OPRD1: variants seen among roughly 807,000 people sequenced by gnomAD.
OPRD1 encodes the protein opioid receptor delta 1, also known as delta-type opioid receptor.
Under a neutral mutation model 17.5 loss-of-function variants are expected in OPRD1, and 19 were observed. The ratio of observed to expected loss-of-function variants is 1.09; its 90% CI spans 0.76 to 1.60. OPRD1 has a LOEUF of 1.60. Ranked by LOEUF, OPRD1 falls within the 40% of genes most tolerant of loss-of-function variation. The pLI, the probability that OPRD1 is intolerant of heterozygous loss-of-function variation, is 0.00. For missense variants in OPRD1, 483 were observed against 547.2 expected (o/e 0.88, Z 1.17); for synonymous variants, 256 against 240.9 (o/e 1.06, Z -0.58).
chr1:28,836,417 G>A (rs557731222), intron 1 of OPRD1, among the ~76,000 whole-genome samples: 31 of 151,970 alleles, frequency 2.0e-4, no homozygotes, highest in Non-Finnish European at 3.2e-4. Flanking sequence ...AGGAGGCTGA[G>A]GCAGAAGAGT....
chr1:28,812,485 G>C lies in OPRD1; in HGVS notation c.102G>C (p.Ala34=). 1 of 1,550,126 alleles carries C rather than the reference G, an allele frequency of 6.5e-7. No individual in the cohort carries two copies. Among genetic ancestry groups the C allele is most frequent in the East Asian group, 2.5e-5 (1 of 40,298 alleles). The change falls in exon 1 of 3, where the codon GCG becomes GCC. Residue 34 remains alanine, a synonymous_variant. Transcript: ENST00000234961. Reference sequence around the variant, plus strand: ...CCTGCCCCAGCGCTGGCGCCAATGCGTCGGGGCCGCCAGGCGCGCGGAGCG... The same window carrying C: ...CCTGCCCCAGCGCTGGCGCCAATGCCTCGGGGCCGCCAGGCGCGCGGAGCG... The part of the protein sequence containing the change: ...PSACPSAGAN[A]SGPPGARSAS...
At chr1:28,830,581 A>G (rs929370687) in intron 1 of OPRD1, among the ~76,000 whole-genome samples, 2 of 152,204 alleles carry the variant, frequency 1.3e-5, no homozygotes, top group African/African-American at 4.8e-5. Flanking sequence ...CATAAGAGAT[A>G]TAATTATGAA....
intron 1 of OPRD1, among the ~76,000 whole-genome samples, chr1:28,815,752 G>A (rs2088667759): frequency 6.6e-6 from 1 of 152,214 alleles, no homozygotes; most frequent in Admixed American, 6.5e-5. Context: ...CGGCTGCTGG[G>A]TTGAGTGAAT....
chr1:28,813,216 C>T (rs1489150204), intron 1 of OPRD1, among the ~76,000 whole-genome samples: 1 of 152,162 alleles, frequency 6.6e-6, no homozygotes, highest in Non-Finnish European at 1.5e-5. Flanking sequence ...CTTGAAACCC[C>T]GAGGGCGGCA....
In OPRD1 at chr1:28,862,804, A is replaced by G; in HGVS notation, c.640A>G (p.Lys214Glu). Residue 214 changes from lysine to glutamate, a missense_variant, in exon 3 of 3, where the codon AAG becomes GAG. Lys to Glu is a moderately conservative substitution (Grantham distance 56). Transcript: ENST00000234961. ...SPSWYWDTVT[K>E]ICVFLFAFVV... is the part of the protein sequence containing the mutation. ...CAGCTGGTACTGGGACACGGTGACC[A>G]AGATCTGCGTGTTCCTCTTCGCCTT... is the stretch of plus-strand genomic sequence containing the variant. 2.5e-6 allele frequency: 4 copies of G among 1,613,746 alleles called. No homozygotes were observed. Among genetic ancestry groups the G allele is most frequent in the Non-Finnish European group, 3.4e-6 (4 of 1,179,980 alleles).
chr1:28,822,303 C>T (rs942707014), intron 1 of OPRD1, among the ~76,000 whole-genome samples: 7 of 152,052 alleles, frequency 4.6e-5, no homozygotes, highest in South Asian at 2.1e-4. Context: ...CAAGAAGGTA[C>T]GGGCTGCTGT....
In OPRD1 at chr1:28,845,329, CA is replaced by C. The variant is rs111563719; in HGVS notation, c.228-13615del. 3.6e-4 allele frequency among the ~76,000 whole-genome samples: 53 copies of C among 147,214 alleles called. 1 individual carries two copies. The highest frequency in any genetic ancestry group is 1.1e-3 in the African/African-American group (45 of 39,940). ...TGAAACCCTGTCTCTACTAAAAATA[CA>C]AAAAAAAAATTAGCCGGGCATGCTG... is the stretch of plus-strand genomic sequence containing the variant. On this transcript the variant is annotated intron_variant, in intron 1 of 2. Coordinates refer to ENST00000234961, the MANE Select transcript of OPRD1 (RefSeq NM_000911.4).
chr1:28,855,727 A>G (rs1303185785), intron 1 of OPRD1, among the ~76,000 whole-genome samples: 1 of 152,198 alleles, frequency 6.6e-6, no homozygotes, highest in Admixed American at 6.5e-5. Context: ...CAGGCAAAGA[A>G]CAGCCTCTAA....
chr1:28,837,757 C>T (rs1219401320), intron 1 of OPRD1, among the ~76,000 whole-genome samples: 1 of 150,896 alleles, frequency 6.6e-6, no homozygotes, highest in Non-Finnish European at 1.5e-5. Flanking sequence ...CTCCTGGACT[C>T]AAGTGATCCT....
intron 1 of OPRD1, among the ~76,000 whole-genome samples, chr1:28,857,725 C>T (rs2089069492): frequency 6.6e-6 from 1 of 152,192 alleles, no homozygotes; most frequent in Non-Finnish European, 1.5e-5. Flanking sequence ...TCAAGCAATC[C>T]ACCTGCCCTG....
intron 1 of OPRD1, among the ~76,000 whole-genome samples, chr1:28,858,748 G>GTTAGCCAGGATGGTCTTGAAC (rs2089082214): frequency 2.0e-5 from 3 of 151,946 alleles, no homozygotes; most frequent in African/African-American, 4.8e-5. Context: ...GTTTCGTCTT[G>GTTAGCCAGGATGGTCTTGAAC]TTAGCCAGGA....
At chr1:28,845,993 G>A (rs1040149801) in intron 1 of OPRD1, among the ~76,000 whole-genome samples, 1 of 152,162 alleles carries the variant, frequency 6.6e-6, no homozygotes, top group Non-Finnish European at 1.5e-5. Context: ...ATGGCTTCCT[G>A]TTACACTCAG....
intron 1 of OPRD1, among the ~76,000 whole-genome samples, chr1:28,833,674 C>T (rs973067632): frequency 4.6e-5 from 7 of 152,122 alleles, no homozygotes; most frequent in Admixed American, 4.6e-4. Context: ...CTAGCCAAGT[C>T]GACACATCAG....
In OPRD1 at chr1:28,866,872, G is replaced by C. The variant is rs919421107; in HGVS notation, c.*3589G>C. 2.0e-5 allele frequency: 3 copies of C among 148,450 alleles called. No individual in the cohort carries two copies. The highest frequency in any genetic ancestry group is 6.7e-5 in the Admixed American group (1 of 15,014). The allele number at this position is 148,450 out of a possible 1,614,324, so 9.2% of individuals were successfully genotyped here. ...ACAGTGTAATTCTAGATCGTCACAGGGTTCTCAAAACTGCAGAGTAGGTCT... is the reference window on the plus strand; with the variant it reads ...ACAGTGTAATTCTAGATCGTCACAGCGTTCTCAAAACTGCAGAGTAGGTCT... On this transcript the variant is annotated 3_prime_UTR_variant, in exon 3 of 3. Coordinates refer to ENST00000234961, the MANE Select transcript of OPRD1 (RefSeq NM_000911.4).
chr1:28,847,334 G>A lies in OPRD1; in HGVS notation c.228-11620G>A, dbSNP rs1483926240. On this transcript the variant is annotated intron_variant, in intron 1 of 2. Transcript: ENST00000234961. ...CCCAAAGTGCTGGGATTACAGCCGT[G>A]AGCTACCGCGCCCAGCCGAGCCTGT... is the stretch of plus-strand genomic sequence containing the variant. 2.0e-5 allele frequency among the ~76,000 whole-genome samples: 3 copies of A among 152,126 alleles called. No homozygotes were observed. The South Asian group carries it at 6.2e-4, about 32-fold the overall frequency.
intron 1 of OPRD1, among the ~76,000 whole-genome samples, chr1:28,825,146 C>T (rs1473687447): frequency 6.6e-6 from 1 of 151,992 alleles, no homozygotes; most frequent in Admixed American, 6.6e-5. Flanking sequence ...AGCCCACACT[C>T]TTAACCATTG....
chr1:28,854,451 G>A (rs1371780783), intron 1 of OPRD1, among the ~76,000 whole-genome samples: 1 of 151,854 alleles, frequency 6.6e-6, no homozygotes, highest in Non-Finnish European at 1.5e-5. Context: ...CAAACTCCTG[G>A]GCTCAAGCAG....
intron 1 of OPRD1, among the ~76,000 whole-genome samples, chr1:28,843,960 G>T (rs2088918266): frequency 6.6e-6 from 1 of 152,006 alleles, no homozygotes; most frequent in South Asian, 2.1e-4. Context: ...TATGAACATG[G>T]GTATACACAC....
chr1:28,847,651 T>G (rs1298276313), intron 1 of OPRD1, among the ~76,000 whole-genome samples: 1 of 151,704 alleles, frequency 6.6e-6, no homozygotes, highest in Non-Finnish European at 1.5e-5. Flanking sequence ...CTGGACAACA[T>G]GGTGAAACCC....
Sources: allele counts gnomAD v4.1 joint callset (sites outside exome capture counted in the v4.1 genomes callset), GRCh38; gene constraint gnomAD v4.1.1; transcripts MANE v1.5; gene names NCBI Gene and HGNC (gene_info 2026-07-23, HGNC 2026-07-21).